The following REPS1 variants were observed in gnomAD, a reference collection of about 807,000 sequenced individuals.
REPS1 encodes ralBP1-associated Eps domain-containing protein 1.
A neutral mutation model predicts 100.9 loss-of-function variants in REPS1; 39 were observed. The ratio of observed to expected loss-of-function variants is 0.39; its 90% confidence interval spans 0.30 to 0.50. The LOEUF (loss-of-function observed/expected upper bound fraction) is 0.50. REPS1 is among the 20% of genes least tolerant of loss of function. The pLI is 0.86. For synonymous variants in REPS1, 324 were observed against 340.3 expected, an observed-to-expected ratio of 0.95 and a Z score of 0.53; for missense variants, 821 against 968.5, an observed-to-expected ratio of 0.85 and a Z score of 2.02.
rs922682722 is a variant in REPS1, at chr6:138,988,026, C to A, written c.-344G>T. On this transcript the variant is annotated 5_prime_UTR_variant, in exon 1 of 20. Transcript: ENST00000450536. ...CGCGAGGCACTGGCGGACTCCGCCC[C>A]CGCCGCGGGTTCGAGTCTCCCCGGC... is the stretch of plus-strand genomic sequence containing the variant. 3 of 396,766 alleles carry A rather than the reference C, an allele frequency of 7.6e-6. No individual in the cohort carries two copies. Among genetic ancestry groups the A allele is most frequent in the Non-Finnish European group, 1.3e-5 (3 of 224,958 alleles). 24.6% of individuals were successfully genotyped at this position (396,766 alleles called of 1,614,324 possible).
intron 8 of REPS1, among the ~76,000 whole-genome samples, chr6:138,938,328 G>A (rs1057026791): frequency 6.6e-6 from 1 of 152,134 alleles, no homozygotes; most frequent in Non-Finnish European, 1.5e-5. Context: ...GTTACTCCAA[G>A]GAGCTGTAAC....
At chr6:138,909,004 G>A (rs1779841543) in intron 17 of REPS1, 188 bp from the exon 18 acceptor site, 1 of 562,428 alleles carries the variant, frequency 1.8e-6, no homozygotes, top group Admixed American at 3.5e-5. Context: ...GTTTCTAGTT[G>A]ACACCACAAT....
chr6:138,915,915 G>C lies in REPS1; in HGVS notation c.1663C>G (p.Pro555Ala). Residue 555 changes from proline (P) to alanine (A), a missense_variant, in exon 14 of 20, where the codon CCC (proline) becomes GCC (alanine). Pro to Ala is a conservative substitution (Grantham distance 27, BLOSUM62 -1). Around this residue, in one of 3 missense-constraint regions of REPS1, gnomAD observed 757 missense variants for 866.4 expected, o/e 0.87. Coordinates refer to ENST00000450536, the MANE Select transcript of REPS1 (RefSeq NM_001286611.2). ...APPPPPPRPQ[P>A]SHSRSSSLDM... ...AAAGATGATGATCTAGAATGAGAGGGCTGTGGCCTTGGAGGGGGAGGTGGT... is the reference window on the plus strand; with the variant it reads ...AAAGATGATGATCTAGAATGAGAGGCCTGTGGCCTTGGAGGGGGAGGTGGT... 6.2e-7 allele frequency: 1 copy of C among 1,614,046 alleles called. No individual in the cohort carries two copies. The highest frequency in any genetic ancestry group is 8.5e-7 in the Non-Finnish European group (1 of 1,179,938).
intron 1 of REPS1, among the ~76,000 whole-genome samples, chr6:138,979,318 C>T (rs1383173959): frequency 6.6e-6 from 1 of 151,856 alleles, no homozygotes; most frequent in Admixed American, 6.6e-5. Context: ...ATCCTAACAA[C>T]TAAAATCATT....
At chr6:138,911,233 T>C in intron 17 of REPS1, 43 bp downstream of exon 17, 1 of 1,263,874 alleles carries the variant, frequency 7.9e-7, no homozygotes, top group Non-Finnish European at 1.2e-6. Context: ...TTCACATTAC[T>C]TATGATGTAC....
At position 138,945,389 on chromosome 6, in the gene REPS1, T is replaced by C. The variant is rs774486316; in HGVS notation, c.475-17A>G. The C allele has an allele frequency of 9.4e-6, 15 of 1,591,238 alleles. No individual in the cohort carries two copies. The highest frequency in any genetic ancestry group is 1.0e-5 in the Non-Finnish European group (12 of 1,172,256). ...TGCAGGTTCCTAGAAAAGAATATTA[T>C]TTTAAAATTTTAACTTTAAGGAGAC... is the stretch of plus-strand genomic sequence containing the variant. On this transcript the variant is annotated splice_polypyrimidine_tract_variant and intron_variant, in intron 3 of 19. Transcript: ENST00000450536.
Position 138,988,158 on chromosome 6 carries a change from G to C in REPS1, c.-476C>G, listed in dbSNP as rs1467829295. ...TGTGGGGCTTCGAACCTAAAGTTTC[G>C]GGGGATCTGGGCTGAGCGTGGCCGC... On this transcript the variant is annotated 5_prime_UTR_variant, in exon 1 of 20. Coordinates refer to ENST00000450536, the MANE Select transcript of REPS1 (RefSeq NM_001286611.2). 3 of 398,268 alleles carry C rather than the reference G, an allele frequency of 7.5e-6. No homozygotes were observed. The highest frequency in any genetic ancestry group is 8.9e-6 in the Non-Finnish European group (2 of 225,882). The allele number at this position is 398,268 out of a possible 1,614,324, so 24.7% of individuals were successfully genotyped here.
At chr6:138,946,372 A>C (rs758688904) in intron 2 of REPS1, among the ~76,000 whole-genome samples, 3 of 152,230 alleles carry the variant, frequency 2.0e-5, no homozygotes, top group Admixed American at 6.5e-5. Flanking sequence ...TGAAGGACTG[A>C]GAAACTGTTT....
chr6:138,913,809 G>A (rs546944760), intron 15 of REPS1, among the ~76,000 whole-genome samples: 2 of 152,230 alleles, frequency 1.3e-5, no homozygotes, highest in African/African-American at 4.8e-5. Context: ...AACCTCCATC[G>A]CTTTGTGGAT....
At chr6:138,987,484 T>A in intron 1 of REPS1, 46 bp downstream of exon 1, 1 of 1,475,398 alleles carries the variant, frequency 6.8e-7, no homozygotes, top group Non-Finnish European at 9.0e-7. Flanking sequence ...TGGAGGCCAG[T>A]GACTGCAGGC....
Position 138,945,606 on chromosome 6 carries a change from T to C in REPS1, c.369A>G (p.Gln123=), listed in dbSNP as rs920562851. The C allele has an allele frequency of 1.9e-6, 3 of 1,613,696 alleles. No individual in the cohort carries two copies. Among genetic ancestry groups the C allele is most frequent in the East Asian group, 2.2e-5 (1 of 44,866 alleles). Residue 123 remains glutamine (Q), a synonymous_variant, in exon 3 of 20, where the codon CAA becomes CAG. Transcript: ENST00000450536. The part of the protein sequence containing the change: ...AASYSSDSEN[Q]GSYSGVIPPP... ...GGGGAATTACACCAGAATACGACCC[T>C]TGATTTTCAGAATCTGAAGAATATG...
chr6:138,936,592 G>T (rs375234451), intron 8 of REPS1, among the ~76,000 whole-genome samples: 31 of 143,044 alleles, frequency 2.2e-4, no homozygotes, highest in Non-Finnish European at 3.4e-4. Flanking sequence ...GGCAGGGTGG[G>T]GGGGGAGACA....
At chr6:138,987,409 G>T in intron 1 of REPS1, 121 bp downstream of exon 1, 2 of 1,108,090 alleles carry the variant, frequency 1.8e-6, no homozygotes, top group Non-Finnish European at 1.2e-6. Context: ...CCTGCCCGCT[G>T]CGGGGACCCC....
chr6:138,986,786 A>AT (rs1342697447), intron 1 of REPS1, among the ~76,000 whole-genome samples: 1 of 148,274 alleles, frequency 6.7e-6, no homozygotes, highest in African/African-American at 2.6e-5. Flanking sequence ...AGCAGATATG[A>AT]TAAAAAAAGG....
chr6:138,926,290 C>T (rs1781117567), intron 10 of REPS1, 111 bp downstream of exon 10: 2 of 710,442 alleles, frequency 2.8e-6, no homozygotes, highest in Admixed American at 2.8e-5. Context: ...CCTGCCGCCA[C>T]TTCCCTCTAA....
chr6:138,913,857 A>T (rs1780181519), intron 15 of REPS1, among the ~76,000 whole-genome samples: 1 of 152,142 alleles, frequency 6.6e-6, no homozygotes, highest in South Asian at 2.1e-4. Flanking sequence ...TCCCCAATAA[A>T]TTCCACTTTA....
chr6:138,955,457 AGTGTGTGTGTGTGTG>A (rs1165885271), intron 1 of REPS1, among the ~76,000 whole-genome samples: 1 of 90,720 alleles, frequency 1.1e-5, no homozygotes, highest in East Asian at 4.8e-4. Context: ...AAAAAAAAAA[AGTGTGTGTGTGTGTG>A]TGTGTGTGTG....
At chr6:138,957,329 G>A (rs867114458) in intron 1 of REPS1, among the ~76,000 whole-genome samples, 2 of 152,120 alleles carry the variant, frequency 1.3e-5, no homozygotes, top group South Asian at 2.1e-4. Flanking sequence ...AAGAAATATC[G>A]AGTAGACTAG....
chr6:138,942,741 T>C (rs1181211861), intron 7 of REPS1, among the ~76,000 whole-genome samples: 1 of 151,352 alleles, frequency 6.6e-6, no homozygotes, highest in Non-Finnish European at 1.5e-5. Context: ...CACACCCAGT[T>C]TGTGTTTTCT....
Sources: allele counts gnomAD v4.1 joint callset (sites outside exome capture counted in the v4.1 genomes callset), GRCh38; gene constraint gnomAD v4.1.1; regional missense constraint gnomAD v4.1.1; transcripts MANE v1.5; gene names NCBI Gene and HGNC (gene_info 2026-07-23, HGNC 2026-07-21).